Variants in PDE8B observed in about 807,000 individuals in gnomAD.
PDE8B encodes the protein phosphodiesterase 8B.
In PDE8B, 26 loss-of-function variants were observed where a neutral mutation model predicts 101.3. The observed-to-expected ratio is 0.26, with a 90% confidence interval of 0.19 to 0.36. The LOEUF is 0.36. Among genes scored for constraint, PDE8B ranks in the 10% least tolerant of loss-of-function variants. The pLI is 1.00. For synonymous variants in PDE8B, 424 were observed against 429.3 expected (o/e 0.99, Z 0.15); for missense variants, 810 against 1,163.1 (o/e 0.70, Z 4.42).
At chr5:77,275,787 T>C (rs1003037976) in intron 1 of PDE8B, among the ~76,000 whole-genome samples, 4 of 152,228 alleles carry the variant, frequency 2.6e-5, no homozygotes, top group African/African-American at 9.6e-5. Context: ...TCTTTAAATG[T>C]TGAATTTCAT....
Position 77,335,680 on chromosome 5 carries a change from A to G in PDE8B, c.709-1547A>G, listed in dbSNP as rs374086566. On this transcript the variant is annotated intron_variant, in intron 5 of 21. Transcript: ENST00000264917. ...GGCCTAGTATTCTCCTCCTCCACTT[A>G]TATAGCTACCGGAGAAGCAAAAGTA... 1.9e-4 allele frequency among the ~76,000 whole-genome samples: 29 copies of G among 152,272 alleles called. No homozygotes were observed. The South Asian group carries it at 4.1e-3, about 22-fold the overall frequency.
the PDE8B span, among the ~76,000 whole-genome samples, chr5:77,133,375 T>C: frequency 9.2e-5 from 14 of 152,232 alleles, no homozygotes; most frequent in African/African-American, 1.7e-4. Flanking sequence ...AGCTGATTCA[T>C]AGATCAATGA....
intron 2 of PDE8B, among the ~76,000 whole-genome samples, chr5:77,318,639 CTA>C (rs1473283117): frequency 6.6e-6 from 1 of 152,206 alleles, no homozygotes; most frequent in Non-Finnish European, 1.5e-5. Context: ...TCCCATTAAA[CTA>C]TAGCTGTAAT....
intron 10 of PDE8B, among the ~76,000 whole-genome samples, chr5:77,397,794 C>T (rs1334033468): frequency 6.6e-6 from 1 of 152,188 alleles, no homozygotes; most frequent in Non-Finnish European, 1.5e-5. Context: ...GTAGTAACCA[C>T]TTGCTTTAAC....
chr5:77,416,542 C>T (rs1252069037), intron 17 of PDE8B, among the ~76,000 whole-genome samples: 2 of 152,154 alleles, frequency 1.3e-5, no homozygotes, highest in East Asian at 3.9e-4. Flanking sequence ...CAGAATCAAT[C>T]TCTGAGAACA....
intron 1 of PDE8B, chr5:77,290,892 G>C: frequency 1.2e-6 from 2 of 1,603,504 alleles, no homozygotes; most frequent in Non-Finnish European, 1.7e-6. Context: ...AATAGCCAAG[G>C]TTCTGGAGGA....
intron 17 of PDE8B, among the ~76,000 whole-genome samples, chr5:77,416,750 T>C (rs890717): frequency 0.2 from 30,605 of 152,034 alleles, 3,489 homozygotes; most frequent in African/African-American, 0.31. Context: ...AGGGTGCCGT[T>C]GCAGGACAGG....
intron 10 of PDE8B, among the ~76,000 whole-genome samples, chr5:77,384,244 C>A (rs1788096403): frequency 6.6e-6 from 1 of 152,130 alleles, no homozygotes; most frequent in South Asian, 2.1e-4. Flanking sequence ...CTCTTTGTAG[C>A]AATCGTGAAT....
rs180732480 is a variant in PDE8B, at chr5:77,412,493, C to G, written c.1712+258C>G. On this transcript the variant is annotated intron_variant, in intron 16 of 21. Coordinates refer to ENST00000264917, the MANE Select transcript of PDE8B (RefSeq NM_003719.5). ...CCTTTGTGCTAGTGAGCCAAGAGTT[C>G]TAAGAATCCTCAAACTTGTCGAAGC... 5.1e-3 allele frequency among the ~76,000 whole-genome samples: 776 copies of G among 151,774 alleles called. 3 individuals carry two copies. Among genetic ancestry groups the G allele is most frequent in the Non-Finnish European group, 8.7e-3 (592 of 67,976 alleles).
chr5:77,348,411 C>T (rs1397937000), intron 7 of PDE8B, among the ~76,000 whole-genome samples: 1 of 152,118 alleles, frequency 6.6e-6, no homozygotes, highest in Non-Finnish European at 1.5e-5. Flanking sequence ...ATTCCAGGAC[C>T]CCAGGCAGAA....
intron 2 of PDE8B, among the ~76,000 whole-genome samples, chr5:77,314,327 C>G (rs1180645389): frequency 6.6e-6 from 1 of 151,932 alleles, no homozygotes; most frequent in African/African-American, 2.4e-5. Context: ...GTAAGTCCTC[C>G]AACTTAGTCT....
At chr5:77,183,129 A>ATTATTATTATT in the PDE8B span, among the ~76,000 whole-genome samples, 10,681 of 147,974 alleles carry the variant, frequency 0.072, 498 homozygotes, top group East Asian at 0.17. Flanking sequence ...TATTATTATT[A>ATTATTATTATT]ATTATTTTGA....
Position 77,358,161 on chromosome 5 carries a change from A to T in PDE8B, c.1167+4755A>T, listed in dbSNP as rs116570178. On this transcript the variant is annotated intron_variant, in intron 10 of 21. Coordinates refer to ENST00000264917, the MANE Select transcript of PDE8B (RefSeq NM_003719.5). The stretch of plus-strand genomic sequence containing the variant: ...TAGCACTAACAGAGTCTAATATCTC[A>T]TGGCATTCTCAGCAGAACTGAGAGA... Among the ~76,000 whole-genome samples the T allele has an allele frequency of 3.4e-3, 511 of 152,322 alleles. 1 individual carries two copies. Among genetic ancestry groups the T allele is most frequent in the African/African-American group, 0.012 (485 of 41,566 alleles).
chr5:77,166,040 A>G, the PDE8B span, among the ~76,000 whole-genome samples: 1 of 151,676 alleles, frequency 6.6e-6, no homozygotes, highest in African/African-American at 2.4e-5. Flanking sequence ...ATATCAGAAC[A>G]GACAAAACAT....
At chr5:77,166,055 A>G in the PDE8B span, among the ~76,000 whole-genome samples, 2 of 151,752 alleles carry the variant, frequency 1.3e-5, no homozygotes, top group African/African-American at 2.4e-5. Context: ...AAACATTATC[A>G]TAGAAGGTTC....
the PDE8B span, among the ~76,000 whole-genome samples, chr5:77,182,091 C>A: frequency 3.3e-5 from 5 of 151,898 alleles, no homozygotes; most frequent in Admixed American, 1.3e-4. Context: ...TACCACTGAC[C>A]AGTTGTGAAA....
chr5:77,275,753 C>G (rs899580598), intron 1 of PDE8B, among the ~76,000 whole-genome samples: 1 of 152,204 alleles, frequency 6.6e-6, no homozygotes, highest in Non-Finnish European at 1.5e-5. Flanking sequence ...TTGTGTCCCA[C>G]GTGCAAAGTG....
At chr5:77,181,630 G>A in the PDE8B span, among the ~76,000 whole-genome samples, 240 of 152,304 alleles carry the variant, frequency 1.6e-3, 1 homozygote, top group African/African-American at 5.6e-3. Flanking sequence ...TGGCGGCGAG[G>A]TGTGAGTTAC....
At chr5:77,101,284 T>G in the PDE8B span, among the ~76,000 whole-genome samples, 275 of 152,216 alleles carry the variant, frequency 1.8e-3, 1 homozygote, top group African/African-American at 6.3e-3. Flanking sequence ...TTTTTTCTTT[T>G]GCATTTCTTT....
Sources: allele counts gnomAD v4.1 joint callset (sites outside exome capture counted in the v4.1 genomes callset), GRCh38; gene constraint gnomAD v4.1.1; transcripts MANE v1.5; gene names NCBI Gene and HGNC (gene_info 2026-07-23, HGNC 2026-07-21).